Variants in TSHZ2 observed in about 807,000 individuals in gnomAD.
TSHZ2 encodes teashirt homolog 2.
Under a neutral mutation model 74.4 loss-of-function variants are expected in TSHZ2, and 21 were observed. The ratio of observed to expected loss-of-function variants is 0.28; its 90% CI spans 0.20 to 0.41. The LOEUF (loss-of-function observed/expected upper bound fraction) is 0.41, where lower values mean the gene tolerates loss of function less well. Ranked by LOEUF, TSHZ2 falls within the 10% of genes least tolerant of loss-of-function variation. The probability of loss-of-function intolerance (pLI) is 1.00; values close to 1 mark genes in which losing one functional copy is unlikely to be tolerated. For synonymous variants in TSHZ2, 540 were observed against 515.3 expected (o/e 1.05, Z -0.65); for missense variants, 1,244 against 1,293.5 (o/e 0.96, Z 0.59).
chr20:53,001,222 G>GTA (rs1555813598), intron 1 of TSHZ2, among the ~76,000 whole-genome samples: 24 of 147,266 alleles, frequency 1.6e-4, no homozygotes, highest in African/African-American at 4.1e-4. Context: ...GTGTGTGTGT[G>GTA]TGTGTGTGTG....
chr20:53,313,271 A>T (rs1053319248), intron 2 of TSHZ2, among the ~76,000 whole-genome samples: 3 of 152,268 alleles, frequency 2.0e-5, no homozygotes, highest in African/African-American at 7.2e-5. Context: ...ATCCCATTGC[A>T]CATCAAATCA....
intron 2 of TSHZ2, among the ~76,000 whole-genome samples, chr20:53,460,188 G>A (rs1220294964): frequency 2.0e-5 from 3 of 151,738 alleles, no homozygotes; most frequent in South Asian, 4.2e-4. Flanking sequence ...TCACTTTCAG[G>A]TACACCAATC....
chr20:52,976,182 A>G (rs1052045902), intron 1 of TSHZ2, among the ~76,000 whole-genome samples: 6 of 152,202 alleles, frequency 3.9e-5, no homozygotes, highest in African/African-American at 9.7e-5. Context: ...ACAAGATGAT[A>G]TTGTAAGTGA....
intron 2 of TSHZ2, among the ~76,000 whole-genome samples, chr20:53,290,483 G>C (rs983436320): frequency 6.6e-6 from 1 of 151,902 alleles, no homozygotes; most frequent in Non-Finnish European, 1.5e-5. Flanking sequence ...AAAAGGATTA[G>C]AGTTAAAAGA....
intron 1 of TSHZ2, among the ~76,000 whole-genome samples, chr20:53,154,879 ATCAT>A (rs1987756767): frequency 6.6e-6 from 1 of 152,146 alleles, no homozygotes; most frequent in Admixed American, 6.5e-5. Flanking sequence ...TTATGCCATC[ATCAT>A]TATCATTATT....
chr20:53,165,407 G>C (rs979768336), intron 1 of TSHZ2, among the ~76,000 whole-genome samples: 1 of 152,188 alleles, frequency 6.6e-6, no homozygotes, highest in Non-Finnish European at 1.5e-5. Flanking sequence ...ATGAAGCTGT[G>C]AAATACAGCA....
At chr20:53,092,461 T>A (rs888592159) in intron 1 of TSHZ2, among the ~76,000 whole-genome samples, 8 of 152,194 alleles carry the variant, frequency 5.3e-5, no homozygotes, top group Admixed American at 6.5e-5. Flanking sequence ...GTTGCTAGTA[T>A]ATTTTTCCCT....
intron 1 of TSHZ2, among the ~76,000 whole-genome samples, chr20:53,151,229 G>C (rs1181388671): frequency 3.3e-5 from 5 of 152,160 alleles, no homozygotes; most frequent in Admixed American, 2.6e-4. Flanking sequence ...CCCTATTAAG[G>C]AACAATGTCC....
chr20:53,180,001 C>A (rs76894624), intron 1 of TSHZ2, among the ~76,000 whole-genome samples: 4 of 152,182 alleles, frequency 2.6e-5, no homozygotes, highest in Non-Finnish European at 5.9e-5. Flanking sequence ...AAGGAAAATA[C>A]GCATTTCACC....
chr20:53,227,463 AACACACACACACACACACAC>A (rs10574252), intron 1 of TSHZ2, among the ~76,000 whole-genome samples: 95 of 146,668 alleles, frequency 6.5e-4, no homozygotes, highest in African/African-American at 1.6e-3. Context: ...TGGGGAGGAA[AACACACACACACACACACAC>A]ACACACACAC....
rs555031066 is a variant in TSHZ2 at position 53,322,789 on chromosome 20, A to AAGGCAAACACCCACGT, written c.*8+66220_*8+66235dup. Among the ~76,000 whole-genome samples the AAGGCAAACACCCACGT allele has an allele frequency of 5.3e-5, 8 of 152,318 alleles. No individual in the cohort carries two copies. The East Asian group carries it at 1.5e-3, about 29-fold the overall frequency. On this transcript the variant is annotated intron_variant, in intron 2 of 2. Transcript: ENST00000371497. ...AGTATAAAGCCATCTTCTTGGCAAGAAGGCAAACACCCACGTAAAACGCTA... is the reference window on the plus strand; with the variant it reads ...AGTATAAAGCCATCTTCTTGGCAAGAAGGCAAACACCCACGTAGGCAAACACCCACGTAAAACGCTA...
intron 2 of TSHZ2, among the ~76,000 whole-genome samples, chr20:53,381,830 C>T (rs544167904): frequency 2.0e-5 from 3 of 152,306 alleles, no homozygotes; most frequent in Non-Finnish European, 4.4e-5. Flanking sequence ...GCTCTTCCTA[C>T]ACTGCATCCA....
chr20:53,006,509 G>A (rs938621101), intron 1 of TSHZ2, among the ~76,000 whole-genome samples: 4 of 152,208 alleles, frequency 2.6e-5, no homozygotes, highest in Non-Finnish European at 5.9e-5. Flanking sequence ...ACCATGGAGT[G>A]CTGCAAGCCC....
At chr20:53,440,965 C>T (rs2145755667) in intron 2 of TSHZ2, among the ~76,000 whole-genome samples, 1 of 152,284 alleles carries the variant, frequency 6.6e-6, no homozygotes, top group South Asian at 2.1e-4. Flanking sequence ...ACCATTGTCA[C>T]AGACTAACAA....
In TSHZ2 at chr20:53,091,172, G is replaced by A. The variant is rs78116375; in HGVS notation, c.40+117839G>A. ...ATTTGGTAATTTTGTAGCTATTATC[G>A]CTAGATTGCCAATGTCAGTTGTGAT... On this transcript the variant is annotated intron_variant, in intron 1 of 2. Coordinates refer to ENST00000371497, the MANE Select transcript of TSHZ2 (RefSeq NM_173485.6). Among the ~76,000 whole-genome samples the A allele has an allele frequency of 8.0e-3, 1,224 of 152,248 alleles. 15 individuals carry two copies. Among genetic ancestry groups the A allele is most frequent in the African/African-American group, 0.028 (1,154 of 41,532 alleles).
At chr20:53,329,906 A>G (rs1979655178) in intron 2 of TSHZ2, among the ~76,000 whole-genome samples, 1 of 152,234 alleles carries the variant, frequency 6.6e-6, no homozygotes, top group Non-Finnish European at 1.5e-5. Flanking sequence ...AAGGTTTACT[A>G]CAAAAATTCT....
intron 2 of TSHZ2, among the ~76,000 whole-genome samples, chr20:53,438,441 C>G (rs1328718314): frequency 6.6e-6 from 1 of 152,058 alleles, no homozygotes; most frequent in Non-Finnish European, 1.5e-5. Context: ...TCCAGCAGCC[C>G]CAAGTTGAGC....
intron 1 of TSHZ2, among the ~76,000 whole-genome samples, chr20:53,068,694 AATAAGT>A (rs1454451479): frequency 1.3e-5 from 2 of 152,212 alleles, no homozygotes; most frequent in East Asian, 1.9e-4. Flanking sequence ...TTATTAAATG[AATAAGT>A]ATAAGATTTC....
chr20:53,051,544 C>T (rs532155154), intron 1 of TSHZ2, among the ~76,000 whole-genome samples: 1 of 151,624 alleles, frequency 6.6e-6, no homozygotes, highest in Non-Finnish European at 1.5e-5. Context: ...AGCTCTTTTG[C>T]TGTAGAGAAC....
Sources: gnomAD v4.1 joint callset for allele counts (sites outside exome capture counted in the v4.1 genomes callset) on GRCh38, gnomAD v4.1.1 for gene constraint, MANE v1.5 for transcripts, NCBI Gene and HGNC (gene_info 2026-07-23, HGNC 2026-07-21) for gene names.